The following SPATA17 variants were observed in gnomAD, a reference collection of about 807,000 sequenced individuals.
SPATA17 encodes spermatogenesis-associated protein 17.
SPATA17 carries 53 observed loss-of-function variants against 62.2 expected under a neutral mutation model. The observed-to-expected ratio is 0.85, with a 90% confidence interval of 0.68 to 1.07. The LOEUF is 1.07. Among genes scored for constraint, SPATA17 ranks in the 50% least tolerant of loss-of-function variants. The probability of loss-of-function intolerance (pLI) is 0.00; values close to 1 mark genes in which losing one functional copy is unlikely to be tolerated. For synonymous variants in SPATA17, 146 were observed against 146.8 expected (o/e 0.99, Z 0.04); for missense variants, 466 against 425.5 (o/e 1.10, Z -0.84).
chr1:217,662,321 A>G (rs1262565045), intron 3 of SPATA17, among the ~76,000 whole-genome samples: 2 of 152,140 alleles, frequency 1.3e-5, no homozygotes, highest in Admixed American at 1.3e-4. Context: ...AGACAGGTCA[A>G]TGTTACGTTT....
chr1:217,706,253 T>C (rs1026936223), intron 5 of SPATA17, among the ~76,000 whole-genome samples: 1 of 152,172 alleles, frequency 6.6e-6, no homozygotes, highest in Non-Finnish European at 1.5e-5. Context: ...ATTTCATACA[T>C]AGTTTGATAG....
intron 3 of SPATA17, among the ~76,000 whole-genome samples, chr1:217,651,779 T>G (rs1670320505): frequency 6.6e-6 from 1 of 152,200 alleles, no homozygotes; most frequent in Admixed American, 6.5e-5. Context: ...GCAACAAAGA[T>G]TACATGGTGC....
intron 5 of SPATA17, among the ~76,000 whole-genome samples, 189 bp downstream of exon 5, chr1:217,683,550 T>G (rs952523965): frequency 6.6e-6 from 1 of 152,170 alleles, no homozygotes; most frequent in South Asian, 2.1e-4. Context: ...GCAATTCTCC[T>G]GCCTCAGACT....
intron 8 of SPATA17, among the ~76,000 whole-genome samples, chr1:217,796,605 T>C (rs914129923): frequency 6.6e-6 from 1 of 152,190 alleles, no homozygotes; most frequent in Admixed American, 6.5e-5. Context: ...AGTTTTAAAT[T>C]TGTACTATGA....
intron 5 of SPATA17, among the ~76,000 whole-genome samples, chr1:217,707,918 A>G (rs936258323): frequency 2.6e-5 from 4 of 152,220 alleles, no homozygotes; most frequent in African/African-American, 9.6e-5. Flanking sequence ...AAAACGTACA[A>G]TTACATGGGA....
At chr1:217,829,822 A>G (rs1177961616) in intron 9 of SPATA17, among the ~76,000 whole-genome samples, 1 of 151,896 alleles carries the variant, frequency 6.6e-6, no homozygotes, top group Non-Finnish European at 1.5e-5. Flanking sequence ...ACAAAATAGC[A>G]GATATATAGG....
At chr1:217,701,494 T>C (rs568919386) in intron 5 of SPATA17, among the ~76,000 whole-genome samples, 150 of 152,130 alleles carry the variant, frequency 9.9e-4, no homozygotes, top group African/African-American at 3.3e-3. Context: ...CAAGCGATTC[T>C]CCTGCCTCAA....
chr1:217,684,007 G>T (rs1671161870), intron 5 of SPATA17, among the ~76,000 whole-genome samples: 1 of 152,022 alleles, frequency 6.6e-6, no homozygotes, highest in Non-Finnish European at 1.5e-5. Context: ...AATACAAAAA[G>T]CCTCAGATGC....
chr1:217,749,551 CTCT>C (rs1322195061), intron 6 of SPATA17, among the ~76,000 whole-genome samples: 3 of 151,914 alleles, frequency 2.0e-5, no homozygotes, highest in South Asian at 2.1e-4. Flanking sequence ...AAGTAGTTGA[CTCT>C]TCTTCTGTTT....
chr1:217,767,377 G>T (rs905746703), intron 6 of SPATA17, among the ~76,000 whole-genome samples: 2 of 151,692 alleles, frequency 1.3e-5, no homozygotes, highest in Non-Finnish European at 1.5e-5. Context: ...GATTTTTGTT[G>T]AGCTTTCTGG....
intron 5 of SPATA17, chr1:217,739,486 G>A (rs1345863346): frequency 6.6e-6 from 1 of 151,432 alleles, no homozygotes; most frequent in African/African-American, 2.4e-5. Flanking sequence ...TTTTTTTTGA[G>A]GATAGAAATG....
At chr1:217,810,017 C>A (rs941671497) in intron 9 of SPATA17, among the ~76,000 whole-genome samples, 2 of 152,064 alleles carry the variant, frequency 1.3e-5, no homozygotes, top group Admixed American at 1.3e-4. Flanking sequence ...GTGTTCATTT[C>A]TTTAAAATAT....
chr1:217,854,720 G>T (rs1675741747), intron 9 of SPATA17, among the ~76,000 whole-genome samples: 1 of 152,162 alleles, frequency 6.6e-6, no homozygotes, highest in African/African-American at 2.4e-5. Flanking sequence ...TTTTCCATGT[G>T]TGTACTTTGG....
chr1:217,763,924 G>A (rs955066564), intron 6 of SPATA17, among the ~76,000 whole-genome samples: 2 of 152,118 alleles, frequency 1.3e-5, no homozygotes, highest in Admixed American at 1.3e-4. Context: ...TTATATTTTA[G>A]AGCAGTTTTA....
intron 5 of SPATA17, among the ~76,000 whole-genome samples, chr1:217,706,872 CTT>C (rs34008177): frequency 0.19 from 28,058 of 144,652 alleles, 2,741 homozygotes; most frequent in Middle Eastern, 0.25. Flanking sequence ...TTCTTTCTTT[CTT>C]TTTTTTTTTT....
intron 1 of SPATA17, among the ~76,000 whole-genome samples, chr1:217,638,673 G>A (rs1669992236): frequency 6.6e-6 from 1 of 152,122 alleles, no homozygotes; most frequent in Non-Finnish European, 1.5e-5. Context: ...AGGAGATTAA[G>A]CTAAGAAACC....
chr1:217,633,070 C>T (rs976903182), intron 1 of SPATA17, among the ~76,000 whole-genome samples: 3 of 152,012 alleles, frequency 2.0e-5, no homozygotes, highest in African/African-American at 7.2e-5. Context: ...TGGTGGTGCA[C>T]GCCTGTAGTC....
At chr1:217,816,417 G>A (rs1674718172) in intron 9 of SPATA17, among the ~76,000 whole-genome samples, 1 of 151,330 alleles carries the variant, frequency 6.6e-6, no homozygotes, top group Non-Finnish European at 1.5e-5. Context: ...ACTAATTCTA[G>A]CACTTAGGTT....
intron 3 of SPATA17, chr1:217,665,437 C>T (rs1670675396): frequency 6.6e-6 from 1 of 152,012 alleles, no homozygotes; most frequent in South Asian, 2.1e-4. Flanking sequence ...AGAACTGTTC[C>T]AAATGGATTA....
Sources: gnomAD v4.1 joint callset for allele counts (sites outside exome capture counted in the v4.1 genomes callset) on GRCh38, gnomAD v4.1.1 for gene constraint, MANE v1.5 for transcripts, NCBI Gene and HGNC (gene_info 2026-07-23, HGNC 2026-07-21) for gene names.